The following AK9 variants were observed in gnomAD, a reference collection of about 807,000 sequenced individuals.
AK9 encodes the protein adenylate kinase 9.
A neutral mutation model predicts 239.6 loss-of-function variants in AK9; 191 were observed. That is an observed-to-expected ratio of 0.80 (90% CI 0.71 to 0.90). The LOEUF is 0.90. AK9 is among the 40% of genes least tolerant of loss of function. The probability of loss-of-function intolerance (pLI) is 0.00; values close to 1 mark genes in which losing one functional copy is unlikely to be tolerated. For synonymous variants in AK9, 689 were observed against 721.0 expected, an observed-to-expected ratio of 0.96 and a Z score of 0.71; for missense variants, 1,995 against 2,214.7, an observed-to-expected ratio of 0.90 and a Z score of 1.99.
At chr6:109,677,469 G>C (rs563631916) in intron 1 of AK9, among the ~76,000 whole-genome samples, 8 of 152,060 alleles carry the variant, frequency 5.3e-5, no homozygotes, top group African/African-American at 1.4e-4. Context: ...TGGGCGAAAG[G>C]ATTTAATTTG....
rs745689593 is a variant in AK9, at chr6:109,662,660, T to C, written c.335A>G (p.Tyr112Cys). 4.6e-6 allele frequency: 7 copies of C among 1,506,574 alleles called. No individual in the cohort carries two copies. The Admixed American group carries it at 8.2e-5, about 18-fold the overall frequency. 93.3% of individuals were successfully genotyped at this position (1,506,574 alleles called of 1,614,324 possible). The stretch of plus-strand genomic sequence containing the variant: ...AAGTGATGGTATTTCAGTGATAATA[T>C]AACCTGTAAAGTAAAATATAATTTT... ...LNSPEVCHFGYIITEIPSLSQ... is the reference protein window; with the variant it reads ...LNSPEVCHFGCIITEIPSLSQ... The change falls in exon 6 of 41, where the codon TAT becomes TGT. Residue 112 changes from tyrosine to cysteine, a missense_variant. Physicochemically the swap from Tyr to Cys is radical, Grantham distance 194 (BLOSUM62 -2). Coordinates refer to ENST00000424296, the MANE Select transcript of AK9 (RefSeq NM_001145128.3).
chr6:109,635,027 A>G (rs977947776), intron 10 of AK9, among the ~76,000 whole-genome samples: 1 of 152,192 alleles, frequency 6.6e-6, no homozygotes, highest in Admixed American at 6.5e-5. Context: ...AATGATCAGG[A>G]CTGGCTTCTG....
intron 8 of AK9, among the ~76,000 whole-genome samples, chr6:109,654,590 C>G (rs1799429287): frequency 6.6e-6 from 1 of 152,134 alleles, no homozygotes; most frequent in Admixed American, 6.5e-5. Flanking sequence ...CTTGGCCTCC[C>G]AAAGAGCTAG....
At position 109,691,134 on chromosome 6, in the gene AK9, C is replaced by T. The variant is rs1774339186; in HGVS notation, c.-12+13G>A. 2 of 547,790 alleles carry T rather than the reference C, an allele frequency of 3.7e-6. No individual in the cohort carries two copies. Among genetic ancestry groups the T allele is most frequent in the Admixed American group, 6.2e-5 (2 of 32,486 alleles). The allele number at this position is 547,790 out of a possible 1,614,324, so 33.9% of individuals were successfully genotyped here. On this transcript the variant is annotated intron_variant, in intron 1 of 40. Transcript: ENST00000424296. ...CGACTTTTTCTCCGCCCATGTTTTC[C>T]TCCAATCCTTACCAAAGATGGTGCC...
At chr6:109,531,187 C>A (rs116328153) in intron 28 of AK9, among the ~76,000 whole-genome samples, 1,728 of 152,168 alleles carry the variant, frequency 0.011, 30 homozygotes, top group African/African-American at 0.038. Flanking sequence ...AGAATTCAGA[C>A]CTTAATGGGG....
intron 1 of AK9, among the ~76,000 whole-genome samples, chr6:109,686,055 C>A (rs2145144): frequency 0.42 from 63,448 of 152,044 alleles, 14,922 homozygotes; most frequent in African/African-American, 0.64. Flanking sequence ...GCATCCTTTT[C>A]AATCCCTATC....
intron 27 of AK9, among the ~76,000 whole-genome samples, chr6:109,540,447 T>C (rs1286331319): frequency 1.3e-5 from 2 of 152,172 alleles, no homozygotes. Context: ...CTAAGACCAT[T>C]GGAAAAGCAC....
At chr6:109,612,352 G>A (rs1793677348) in intron 15 of AK9, among the ~76,000 whole-genome samples, 1 of 152,124 alleles carries the variant, frequency 6.6e-6, no homozygotes, top group Non-Finnish European at 1.5e-5. Context: ...TGCCCTTCCT[G>A]AGGCAACTAA....
Position 109,534,991 on chromosome 6 carries a change from A to T in AK9, c.3351-1521T>A, listed in dbSNP as rs1330143946. ...TGGTGTATATGTGCAACATTTTCTT[A>T]ATCCAGTCTATCATTGATGGACATT... On this transcript the variant is annotated intron_variant, in intron 27 of 40. Transcript: ENST00000424296. Among the ~76,000 whole-genome samples, 9 of 152,096 alleles carry T rather than the reference A, an allele frequency of 5.9e-5. No individual in the cohort carries two copies. In the South Asian group the frequency reaches 1.2e-3, roughly 21 times the overall value.
At chr6:109,606,054 T>A (rs922335850) in intron 17 of AK9, among the ~76,000 whole-genome samples, 1 of 151,996 alleles carries the variant, frequency 6.6e-6, no homozygotes, top group Non-Finnish European at 1.5e-5. Flanking sequence ...GAAATCAAAC[T>A]CTCAAGAGTT....
intron 19 of AK9, among the ~76,000 whole-genome samples, chr6:109,580,483 A>G (rs1288796136): frequency 6.6e-6 from 1 of 152,232 alleles, no homozygotes; most frequent in African/African-American, 2.4e-5. Context: ...ATCTTTAAAA[A>G]ATTTTAACAA....
chr6:109,527,015 C>T (rs776064756), intron 29 of AK9, among the ~76,000 whole-genome samples: 2 of 152,148 alleles, frequency 1.3e-5, no homozygotes, highest in Admixed American at 6.5e-5. Flanking sequence ...CGTAGTCTGA[C>T]ACTGTGCTCA....
At chr6:109,674,459 AAAGT>A (rs1437558404) in intron 2 of AK9, among the ~76,000 whole-genome samples, 198 bp from the exon 3 acceptor site, 1 of 152,192 alleles carries the variant, frequency 6.6e-6, no homozygotes, top group African/African-American at 2.4e-5. Context: ...CACATCTCCT[AAAGT>A]AATATAAATA....
chr6:109,533,680 G>A lies in AK9; in HGVS notation c.3351-210C>T, dbSNP rs541722213. Among the ~76,000 whole-genome samples, 4 of 152,040 alleles carry A rather than the reference G, an allele frequency of 2.6e-5. No homozygotes were observed. In the East Asian group the frequency reaches 5.8e-4, roughly 22 times the overall value. ...TAAATATCAACTATCTGTATGTAAT[G>A]AATAGTTTAAAAATTTACTCTTTTA... On this transcript the variant is annotated intron_variant, in intron 27 of 40. Coordinates refer to ENST00000424296, the MANE Select transcript of AK9 (RefSeq NM_001145128.3).
rs1793413824 is a variant in AK9, at chr6:109,610,258, C to T, written c.1842+107G>A. 11 of 1,356,382 alleles carry T rather than the reference C, an allele frequency of 8.1e-6. No homozygotes were observed. The Middle Eastern group carries it at 7.6e-4, about 93-fold the overall frequency. The allele number at this position is 1,356,382 out of a possible 1,614,324, so 84.0% of individuals were successfully genotyped here. On this transcript the variant is annotated intron_variant, in intron 17 of 40. Coordinates refer to ENST00000424296, the MANE Select transcript of AK9 (RefSeq NM_001145128.3). ...AAAATGTACATGAATTTGAAGGCTA[C>T]AAATTTCAACATCATAAGACTCTAA...
chr6:109,546,136 GGGGGTGGGTCAGGGA>G lies in AK9; in HGVS notation c.2965-24_2965-10del. 6.3e-7 allele frequency: 1 copy of G among 1,579,712 alleles called. No individual in the cohort carries two copies. Among genetic ancestry groups the G allele is most frequent in the Non-Finnish European group, 8.6e-7 (1 of 1,162,512 alleles). On this transcript the variant is annotated splice_polypyrimidine_tract_variant and intron_variant, in intron 25 of 40. Transcript: ENST00000424296. ...ATTCTTAATGGAGGAGCCTGTCACAGGGGGTGGGTCAGGGAGGGGTGGGATAAAGGGAGAGTGAAG... is the reference window on the plus strand; with the variant it reads ...ATTCTTAATGGAGGAGCCTGTCACAGGGGGTGGGATAAAGGGAGAGTGAAG...
At chr6:109,681,560 ATTCAGGACTTGAACTCAGCTCTGGAC>A (rs1164503188) in intron 1 of AK9, among the ~76,000 whole-genome samples, 1 of 152,188 alleles carries the variant, frequency 6.6e-6, no homozygotes, top group Non-Finnish European at 1.5e-5. Context: ...TAATAATGAT[ATTCAGGACTTGAACTCAGCTCTGGAC>A]CAAGCAGACC....
chr6:109,542,952 AT>A (rs1322907236), intron 26 of AK9, among the ~76,000 whole-genome samples: 4 of 152,126 alleles, frequency 2.6e-5, no homozygotes, highest in Non-Finnish European at 5.9e-5. Flanking sequence ...ACCTTTTTCA[AT>A]TTATCACACA....
At chr6:109,591,649 C>T (rs1790260277) in intron 17 of AK9, among the ~76,000 whole-genome samples, 1 of 152,000 alleles carries the variant, frequency 6.6e-6, no homozygotes, top group South Asian at 2.1e-4. Flanking sequence ...GAGTTTAATA[C>T]TTTCATGTGT....
Sources: gnomAD v4.1 joint callset for allele counts (sites outside exome capture counted in the v4.1 genomes callset) on GRCh38, gnomAD v4.1.1 for gene constraint, MANE v1.5 for transcripts, NCBI Gene and HGNC (gene_info 2026-07-23, HGNC 2026-07-21) for gene names.